Variants in IGF1 observed in about 807,000 individuals in gnomAD.
IGF1 encodes insulin-like growth factor 1.
Under a neutral mutation model 13.8 loss-of-function variants are expected in IGF1, and 4 were observed. The observed-to-expected ratio is 0.29, with a 90% CI of 0.14 to 0.66. The LOEUF is 0.66. Ranked by LOEUF, IGF1 falls within the 30% of genes least tolerant of loss-of-function variation. The pLI is 0.78. For synonymous variants in IGF1, 76 were observed against 72.6 expected (o/e 1.05, Z -0.23); for missense variants, 124 against 188.5 (o/e 0.66, Z 2.00).
At position 102,401,566 on chromosome 12, in the gene IGF1, T is replaced by C. The variant is rs1873683478; in HGVS notation, c.*941A>G. 6.6e-6 allele frequency: 1 copy of C among 152,660 alleles called. No individual in the cohort carries two copies. The highest frequency in any genetic ancestry group is 1.9e-4 in the East Asian group (1 of 5,196). The allele number at this position is 152,660 out of a possible 1,614,324, so 9.5% of individuals were successfully genotyped here. On this transcript the variant is annotated 3_prime_UTR_variant, in exon 4 of 4. Coordinates refer to ENST00000337514, the MANE Select transcript of IGF1 (RefSeq NM_000618.5). ...GTTTTGCTTTCACGTATTACCGTTTTGGCCAGACTCTTTCATATAACAAAC... is the reference window on the plus strand; with the variant it reads ...GTTTTGCTTTCACGTATTACCGTTTCGGCCAGACTCTTTCATATAACAAAC...
intron 2 of IGF1, among the ~76,000 whole-genome samples, chr12:102,449,493 T>C (rs1878721718): frequency 6.6e-6 from 1 of 151,852 alleles, no homozygotes; most frequent in Non-Finnish European, 1.5e-5. Context: ...TGTATAGCTA[T>C]GTAAGAAACC....
At chr12:102,479,779 T>G (rs1294508891) in intron 1 of IGF1, among the ~76,000 whole-genome samples, 1 of 152,214 alleles carries the variant, frequency 6.6e-6, no homozygotes, top group Non-Finnish European at 1.5e-5. Context: ...TGGGCATAAG[T>G]GCAGAGTTCC....
intron 2 of IGF1, among the ~76,000 whole-genome samples, chr12:102,447,946 TC>T (rs1878501033): frequency 6.6e-6 from 1 of 152,148 alleles, no homozygotes; most frequent in Admixed American, 6.5e-5. Context: ...CTAAAGAGCT[TC>T]TGCACAGCAA....
At chr12:102,475,076 G>T (rs1327314979) in intron 2 of IGF1, among the ~76,000 whole-genome samples, 1 of 152,180 alleles carries the variant, frequency 6.6e-6, no homozygotes, top group Admixed American at 6.5e-5. Context: ...ATTTCAGTTT[G>T]CATTTAGAGA....
At chr12:102,465,900 G>A (rs190604872) in intron 2 of IGF1, among the ~76,000 whole-genome samples, 1 of 151,868 alleles carries the variant, frequency 6.6e-6, no homozygotes, top group Non-Finnish European at 1.5e-5. Flanking sequence ...TTGCACCACT[G>A]TACTCCAGCC....
rs1875502216 is a variant in IGF1 at position 102,419,605 on chromosome 12, T to C, written c.306A>G (p.Leu102=). The C allele has an allele frequency of 6.2e-7, 1 of 1,613,874 alleles. No homozygotes were observed. The highest frequency in any genetic ancestry group is 8.5e-7 in the Non-Finnish European group (1 of 1,180,012). Residue 102 remains leucine (L), a synonymous_variant, in exon 3 of 4, where the codon CTA becomes CTG. Coordinates refer to ENST00000337514, the MANE Select transcript of IGF1 (RefSeq NM_000618.5). ...GTGCGCAATACATCTCCAGCCTCCTTAGATCACAGCTCCGGAAGCAGCACT... is the reference window on the plus strand; with the variant it reads ...GTGCGCAATACATCTCCAGCCTCCTCAGATCACAGCTCCGGAAGCAGCACT... ...VDECCFRSCD[L]RRLEMYCAPL...
chr12:102,427,773 C>T (rs2137033512), intron 2 of IGF1, among the ~76,000 whole-genome samples: 1 of 152,286 alleles, frequency 6.6e-6, no homozygotes, highest in South Asian at 2.1e-4. Context: ...CAGCTCTTGG[C>T]ACTGTCGCAG....
chr12:102,408,324 T>C (rs1284531936), intron 3 of IGF1, among the ~76,000 whole-genome samples: 1 of 152,196 alleles, frequency 6.6e-6, no homozygotes, highest in Non-Finnish European at 1.5e-5. Context: ...GATATCTCTT[T>C]ACTTCAGGGA....
chr12:102,455,114 G>A (rs1055976044), intron 2 of IGF1, among the ~76,000 whole-genome samples: 1 of 152,196 alleles, frequency 6.6e-6, no homozygotes, highest in Non-Finnish European at 1.5e-5. Context: ...TGACATTCTC[G>A]ATTTGCAAGA....
chr12:102,446,540 G>C (rs1878346017), intron 2 of IGF1, among the ~76,000 whole-genome samples: 1 of 152,138 alleles, frequency 6.6e-6, no homozygotes, highest in Non-Finnish European at 1.5e-5. Flanking sequence ...TCTGATGGTA[G>C]TTTGTATTTC....
chr12:102,478,619 T>A (rs1318543618), intron 1 of IGF1: 2 of 1,532,074 alleles, frequency 1.3e-6, no homozygotes, highest in East Asian at 2.4e-5. Flanking sequence ...TGTGAAAGCA[T>A]CTAGTTACAT....
chr12:102,440,116 C>T (rs963577242), intron 2 of IGF1, among the ~76,000 whole-genome samples: 3 of 152,182 alleles, frequency 2.0e-5, no homozygotes, highest in Admixed American at 6.5e-5. Context: ...CGCTAAGCAT[C>T]CCCATTCTAC....
chr12:102,458,388 A>G (rs1879603857), intron 2 of IGF1, among the ~76,000 whole-genome samples: 1 of 152,176 alleles, frequency 6.6e-6, no homozygotes, highest in Non-Finnish European at 1.5e-5. Flanking sequence ...TCTGGAGATC[A>G]CAGCCAGCTT....
chr12:102,439,302 A>T lies in IGF1; in HGVS notation c.221-19612T>A, dbSNP rs889332990. 4.3e-4 allele frequency among the ~76,000 whole-genome samples: 65 copies of T among 152,332 alleles called. No individual in the cohort carries two copies. The Middle Eastern group carries it at 0.014, about 32-fold the overall frequency. On this transcript the variant is annotated intron_variant, in intron 2 of 3. Coordinates refer to ENST00000337514, the MANE Select transcript of IGF1 (RefSeq NM_000618.5). The stretch of plus-strand genomic sequence containing the variant: ...ATTCAGGCCCTTCTCGGATTGATAC[A>T]AAATTGAGTTTCCTTCCTCAATGAT...
intron 2 of IGF1, among the ~76,000 whole-genome samples, chr12:102,446,040 G>C (rs1212869746): frequency 1.3e-5 from 2 of 152,178 alleles, no homozygotes; most frequent in Admixed American, 6.5e-5. Flanking sequence ...TATGTTTATT[G>C]GTTTGCCTAT....
chr12:102,441,948 T>TCTTCTTCTTCTTCTTCTTCTTCTTCTG (rs1877858273), intron 2 of IGF1, among the ~76,000 whole-genome samples: 1 of 143,370 alleles, frequency 7.0e-6, no homozygotes, highest in African/African-American at 2.6e-5. Context: ...TTCTTCTTCT[T>TCTTCTTCTTCTTCTTCTTCTTCTTCTG]CTTCTTCTTT....
chr12:102,421,787 T>C (rs1875743815), intron 2 of IGF1, among the ~76,000 whole-genome samples: 1 of 152,194 alleles, frequency 6.6e-6, no homozygotes, highest in African/African-American at 2.4e-5. Flanking sequence ...GGCTTTGGGA[T>C]TCCAGGACCT....
chr12:102,445,812 G>A (rs1036214855), intron 2 of IGF1, among the ~76,000 whole-genome samples: 4 of 152,152 alleles, frequency 2.6e-5, no homozygotes, highest in African/African-American at 9.7e-5. Flanking sequence ...TCCTGTGCTG[G>A]TTTTCAAAGG....
At chr12:102,427,203 T>A (rs1876281653) in intron 2 of IGF1, among the ~76,000 whole-genome samples, 1 of 151,078 alleles carries the variant, frequency 6.6e-6, no homozygotes, top group Non-Finnish European at 1.5e-5. Context: ...GCTGTCTCAT[T>A]TTTTTTTCTT....
Sources: allele counts gnomAD v4.1 joint callset (sites outside exome capture counted in the v4.1 genomes callset), GRCh38; gene constraint gnomAD v4.1.1; transcripts MANE v1.5; gene names NCBI Gene and HGNC (gene_info 2026-07-23, HGNC 2026-07-21).